Variants in TMEM132B observed in about 807,000 individuals in gnomAD.
The protein encoded by TMEM132B is transmembrane protein 132B.
Under a neutral mutation model 90.8 loss-of-function variants are expected in TMEM132B, and 18 were observed. That is an observed-to-expected ratio of 0.20 (90% confidence interval 0.14 to 0.29). The LOEUF is 0.29. Ranked by LOEUF, TMEM132B falls within the 10% of genes least tolerant of loss-of-function variation. The probability of loss-of-function intolerance (pLI) is 1.00; values close to 1 mark genes in which losing one functional copy is unlikely to be tolerated. For missense variants in TMEM132B, 1,096 were observed against 1,326.8 expected, an observed-to-expected ratio of 0.83 and a Z score of 2.70; for synonymous variants, 504 against 523.3, an observed-to-expected ratio of 0.96 and a Z score of 0.50.
chr12:125,398,380 C>A (rs1879223116), intron 2 of TMEM132B, among the ~76,000 whole-genome samples: 1 of 152,146 alleles, frequency 6.6e-6, no homozygotes, highest in Non-Finnish European at 1.5e-5. Flanking sequence ...TCAAAGAAGA[C>A]CGATGTGAGA....
intron 1 of TMEM132B, among the ~76,000 whole-genome samples, chr12:125,284,243 C>G (rs1261022292): frequency 6.6e-6 from 1 of 152,224 alleles, no homozygotes; most frequent in Non-Finnish European, 1.5e-5. Context: ...CCTCCTACAC[C>G]TGTTCCCCAG....
At chr12:125,338,950 T>C (rs903166559) in intron 1 of TMEM132B, among the ~76,000 whole-genome samples, 2 of 152,186 alleles carry the variant, frequency 1.3e-5, no homozygotes, top group Admixed American at 6.5e-5. Context: ...TTCTCTTAGA[T>C]TGAATAAGCA....
intron 1 of TMEM132B, among the ~76,000 whole-genome samples, chr12:125,322,706 C>T (rs1007356084): frequency 6.6e-6 from 1 of 152,128 alleles, no homozygotes; most frequent in Admixed American, 6.5e-5. Flanking sequence ...AGACATAATA[C>T]ATTCATATGG....
At position 125,415,737 on chromosome 12, in the gene TMEM132B, G is replaced by C; in HGVS notation, c.1106+60G>C. 1.9e-6 allele frequency: 3 copies of C among 1,583,494 alleles called. No individual in the cohort carries two copies. On this transcript the variant is annotated intron_variant, in intron 3 of 8. Transcript: ENST00000682704. This position sits in a 1 kb window ranked among gnomAD's most constrained non-coding sequence, Gnocchi z 5.3. Reference sequence around the variant, plus strand: ...GGGGAGGAGGGGAGTGGCTGCCAGAGCTGATAGCAAAATAATGTGCGTGTG... The same window carrying C: ...GGGGAGGAGGGGAGTGGCTGCCAGACCTGATAGCAAAATAATGTGCGTGTG...
At chr12:125,526,449 T>A (rs1210834685) in intron 4 of TMEM132B, among the ~76,000 whole-genome samples, 4 of 152,168 alleles carry the variant, frequency 2.6e-5, no homozygotes, top group African/African-American at 9.7e-5. Flanking sequence ...CATACACAGA[T>A]GCTGGGGGAA....
chr12:125,233,771 C>A (rs534530549), intron 1 of TMEM132B, among the ~76,000 whole-genome samples: 3 of 152,314 alleles, frequency 2.0e-5, no homozygotes, highest in Admixed American at 1.3e-4. Flanking sequence ...GGATGCAGAG[C>A]TTCTCAGCCA....
intron 2 of TMEM132B, among the ~76,000 whole-genome samples, chr12:125,365,560 C>T (rs192463977): frequency 9.9e-5 from 15 of 152,130 alleles, no homozygotes; most frequent in Admixed American, 6.5e-4. Flanking sequence ...GCATGTATGA[C>T]TTCTCTTGGC....
intron 4 of TMEM132B, among the ~76,000 whole-genome samples, chr12:125,565,067 CTTAA>C (rs752797858): frequency 2.0e-5 from 3 of 152,176 alleles, no homozygotes; most frequent in Non-Finnish European, 2.9e-5. Flanking sequence ...AGTGCATTGC[CTTAA>C]TTAATACTCC....
At chr12:125,572,046 T>C (rs1396635692) in intron 4 of TMEM132B, among the ~76,000 whole-genome samples, 1 of 152,256 alleles carries the variant, frequency 6.6e-6, no homozygotes, top group African/African-American at 2.4e-5. Context: ...ATATTTGAAA[T>C]GGACAAAATG....
chr12:125,192,177 TG>T (rs774523712), intron 1 of TMEM132B, among the ~76,000 whole-genome samples: 3 of 152,124 alleles, frequency 2.0e-5, no homozygotes, highest in African/African-American at 4.8e-5. Context: ...ACAACCCTAA[TG>T]GGGTAGGGAC....
chr12:125,299,331 C>T (rs7314588), intron 1 of TMEM132B, among the ~76,000 whole-genome samples: 40,576 of 152,018 alleles, frequency 0.27, 5,682 homozygotes, highest in African/African-American at 0.33. Context: ...TCATCACTCA[C>T]TGGCTTACTT....
intron 5 of TMEM132B, among the ~76,000 whole-genome samples, chr12:125,617,773 G>T (rs1566090808): frequency 1.3e-5 from 2 of 152,062 alleles, no homozygotes. Context: ...GGCATAAGTT[G>T]TTCCACAGTC....
At chr12:125,544,660 C>G (rs962539273) in intron 4 of TMEM132B, among the ~76,000 whole-genome samples, 4 of 152,144 alleles carry the variant, frequency 2.6e-5, no homozygotes, top group Admixed American at 2.6e-4. Flanking sequence ...CCACTCATCT[C>G]TATGCCATTT....
In TMEM132B at chr12:125,349,537, T is replaced by G; in HGVS notation, c.153T>G (p.Asn51Lys). ...AYLPTNLHIS[N>K]AEESFFLKEA... is the part of the protein sequence containing the mutation. ...TCCCCACGAACTTGCACATCTCCAA[T>G]GCAGAGGAGTCCTTTTTCCTTAAAG... The change falls in exon 2 of 9, where the codon AAT becomes AAG. Residue 51 changes from asparagine (N) to lysine (K), a missense_variant. Asn to Lys is a moderately conservative substitution (Grantham distance 94). Transcript: ENST00000682704. This position sits in a 1 kb window ranked among gnomAD's most constrained non-coding sequence, Gnocchi z 4.1. 1 of 1,614,234 alleles carries G rather than the reference T, an allele frequency of 6.2e-7. No homozygotes were observed. The highest frequency in any genetic ancestry group is 8.5e-7 in the Non-Finnish European group (1 of 1,180,054).
intron 2 of TMEM132B, among the ~76,000 whole-genome samples, chr12:125,411,373 G>GC (rs369814055): frequency 1.4e-5 from 2 of 146,106 alleles, no homozygotes; most frequent in Admixed American, 6.9e-5. Flanking sequence ...GGTGGGGGGG[G>GC]GCCTAGGGGA....
chr12:125,526,852 C>T (rs1455308451), intron 4 of TMEM132B, among the ~76,000 whole-genome samples: 8 of 152,082 alleles, frequency 5.3e-5, no homozygotes, highest in Non-Finnish European at 1.2e-4. Flanking sequence ...TCCTTCCATT[C>T]ATCCAGCCAT....
In TMEM132B at chr12:125,521,284, T is replaced by A. The variant is rs911457840; in HGVS notation, c.1293+1659T>A. 2.0e-5 allele frequency among the ~76,000 whole-genome samples: 3 copies of A among 152,092 alleles called. No individual in the cohort carries two copies. In the South Asian group the frequency reaches 6.2e-4, roughly 32 times the overall value. ...TTCTCATTCTCCTTCTCCTTCTTTC[T>A]CCTTCTCCTTCTTCTCCTCCTTCCT... On this transcript the variant is annotated intron_variant, in intron 4 of 8. Transcript: ENST00000682704.
At chr12:125,563,752 A>G (rs1884599361) in intron 4 of TMEM132B, among the ~76,000 whole-genome samples, 1 of 152,156 alleles carries the variant, frequency 6.6e-6, no homozygotes, top group Admixed American at 6.5e-5. Context: ...TCTTATCAGA[A>G]AAAAGGAGAG....
chr12:125,632,612 A>G lies in TMEM132B; in HGVS notation c.1438-11464A>G, dbSNP rs889133406. ...ATCCCTCAGCTTTTGCTTGTCTGGG[A>G]AAGTCTTTATTTTTCCTTTATGTTT... On this transcript the variant is annotated intron_variant, in intron 5 of 8. Coordinates refer to ENST00000682704, the MANE Select transcript of TMEM132B (RefSeq NM_001366854.1). Among the ~76,000 whole-genome samples, 4 of 152,130 alleles carry G rather than the reference A, an allele frequency of 2.6e-5. No individual in the cohort carries two copies. In the East Asian group the frequency reaches 5.8e-4, roughly 22 times the overall value.
Sources: gnomAD v4.1 joint callset for allele counts (sites outside exome capture counted in the v4.1 genomes callset) on GRCh38, gnomAD v4.1.1 for gene constraint, Gnocchi (gnomAD v3.1) non-coding constraint, MANE v1.5 for transcripts, NCBI Gene and HGNC (gene_info 2026-07-23, HGNC 2026-07-21) for gene names.